GPR3: variants seen among roughly 807,000 people sequenced by gnomAD.
GPR3 encodes G protein-coupled receptor 3.
GPR3 carries 16 observed loss-of-function variants against 18.2 expected under a neutral mutation model. That is an observed-to-expected ratio of 0.88 (90% CI 0.60 to 1.34). GPR3 has a LOEUF of 1.34. Ranked by LOEUF, GPR3 falls within the 40% of genes most tolerant of loss-of-function variation. GPR3 has a pLI of 0.00. For synonymous variants in GPR3, 183 were observed against 188.9 expected, an observed-to-expected ratio of 0.97 and a Z score of 0.26; for missense variants, 326 against 427.6, an observed-to-expected ratio of 0.76 and a Z score of 2.10.
Position 27,394,851 on chromosome 1 carries a change from C to T in GPR3, c.*60C>T. ...CAGAATTCCAGAATGTTAGGCTCTC[C>T]AGGGCTTCTTTCCAAACCCCCAGCT... On this transcript the variant is annotated 3_prime_UTR_variant, in exon 2 of 2. Transcript: ENST00000374024. 1.3e-6 allele frequency: 2 copies of T among 1,556,180 alleles called. No individual in the cohort carries two copies. The highest frequency in any genetic ancestry group is 8.7e-7 in the Non-Finnish European group (1 of 1,144,364).
chr1:27,394,702 C>T lies in GPR3; in HGVS notation c.904C>T (p.Gln302Ter), dbSNP rs1295565456. ...INPIIYAFRN[Q>*]DVQKVLWAVC... ...CCCTATCATCTACGCCTTCCGCAAC[C>T]AGGATGTGCAGAAAGTGCTGTGGGC... Residue 302 changes from glutamine (Q) to a stop codon, truncating the protein, a stop_gained, in exon 2 of 2, where the codon CAG (glutamine) becomes TAG (stop). Transcript: ENST00000374024. LOFTEE classifies it high-confidence loss of function. 9 of 1,614,062 alleles carry T rather than the reference C, an allele frequency of 5.6e-6. No individual in the cohort carries two copies. Among genetic ancestry groups the T allele is most frequent in the Non-Finnish European group, 6.8e-6 (8 of 1,180,042 alleles).
rs1422427572 is a variant in GPR3, at chr1:27,393,919, A to G, written c.121A>G (p.Lys41Glu). The G allele has an allele frequency of 2.5e-6, 4 of 1,610,970 alleles. No individual in the cohort carries two copies. In the South Asian group the frequency reaches 4.4e-5, roughly 18 times the overall value. ...TGPAAPLPSP[K>E]AWDVVLCISG... is the part of the protein sequence containing the mutation. ...TCCAGCCGCACCACTGCCCTCGCCT[A>G]AGGCCTGGGATGTGGTGCTCTGCAT... The change falls in exon 2 of 2, where the codon AAG (lysine) becomes GAG (glutamate). Residue 41 changes from lysine (K) to glutamate (E), a missense_variant. Transcript: ENST00000374024.
chr1:27,393,444 C>T (rs1272270667), intron 1 of GPR3, among the ~76,000 whole-genome samples: 1 of 152,124 alleles, frequency 6.6e-6, no homozygotes, highest in African/African-American at 2.4e-5. Flanking sequence ...TTCCCTACCC[C>T]AATCTTGAGC....
At position 27,394,951 on chromosome 1, in the gene GPR3, G is replaced by C. The variant is rs1324576529; in HGVS notation, c.*160G>C. ...TTCAAGGTTCTGTTCAGATCCCTAT[G>C]GGGGCCCAGCTGGCTCCACGGTTCC... On this transcript the variant is annotated 3_prime_UTR_variant, in exon 2 of 2. Coordinates refer to ENST00000374024, the MANE Select transcript of GPR3 (RefSeq NM_005281.4). 1 of 723,332 alleles carries C rather than the reference G, an allele frequency of 1.4e-6. No individual in the cohort carries two copies. The highest frequency in any genetic ancestry group is 2.3e-6 in the Non-Finnish European group (1 of 433,888). The allele number at this position is 723,332 out of a possible 1,614,324, so 44.8% of individuals were successfully genotyped here.
In GPR3 at chr1:27,393,998, G is replaced by A; in HGVS notation, c.200G>A (p.Gly67Asp). 6.2e-7 allele frequency: 1 copy of A among 1,611,738 alleles called. No homozygotes were observed. The change falls in exon 2 of 2, where the codon GGC becomes GAC. Residue 67 changes from glycine (G) to aspartate (D), a missense_variant. Gly to Asp is a moderately conservative substitution (Grantham distance 94, BLOSUM62 -1). Coordinates refer to ENST00000374024, the MANE Select transcript of GPR3 (RefSeq NM_005281.4). The stretch of plus-strand genomic sequence containing the variant: ...GCGCTAGTGGTGGCCATCATCGTGG[G>A]CACTCCTGCCTTCCGTGCCCCCATG... ...ENALVVAIIV[G>D]TPAFRAPMFL...
In GPR3 at chr1:27,395,201, C is replaced by T. The variant is rs758902611; in HGVS notation, c.*410C>T. On this transcript the variant is annotated 3_prime_UTR_variant, in exon 2 of 2. Transcript: ENST00000374024. Reference sequence around the variant, plus strand: ...ATAGGAGAGAGAAAGATTATATATGCACATATACAAAGACAGTGTCTATTT... The same window carrying T: ...ATAGGAGAGAGAAAGATTATATATGTACATATACAAAGACAGTGTCTATTT... 4.9e-6 allele frequency: 1 copy of T among 205,190 alleles called. No individual in the cohort carries two copies. Among genetic ancestry groups the T allele is most frequent in the Non-Finnish European group, 1.1e-5 (1 of 91,472 alleles). The allele number at this position is 205,190 out of a possible 1,614,324, so 12.7% of individuals were successfully genotyped here.
rs762625254 is a variant in GPR3 at position 27,394,490 on chromosome 1, G to A, written c.692G>A (p.Arg231Gln). The A allele has an allele frequency of 3.9e-5, 63 of 1,613,956 alleles. No individual in the cohort carries two copies. The highest frequency in any genetic ancestry group is 1.1e-4 in the African/African-American group (8 of 74,920). ...CRHAQQIALQ[R>Q]HLLPASHYVA... ...CATGCCCAGCAGATTGCCCTTCAGC[G>A]GCACCTGCTGCCTGCCTCCCACTAT... The change falls in exon 2 of 2, where the codon CGG becomes CAG. Residue 231 changes from arginine to glutamine, a missense_variant. By Grantham distance (43) the Arg-to-Gln change is conservative. Coordinates refer to ENST00000374024, the MANE Select transcript of GPR3 (RefSeq NM_005281.4).
At position 27,394,970 on chromosome 1, in the gene GPR3, C is replaced by A; in HGVS notation, c.*179C>A. On this transcript the variant is annotated 3_prime_UTR_variant, in exon 2 of 2. Coordinates refer to ENST00000374024, the MANE Select transcript of GPR3 (RefSeq NM_005281.4). ...CCCTATGGGGGCCCAGCTGGCTCCACGGTTCCAGAATGTTCAGGTGGTCAG... is the reference window on the plus strand; with the variant it reads ...CCCTATGGGGGCCCAGCTGGCTCCAAGGTTCCAGAATGTTCAGGTGGTCAG... 1 of 646,616 alleles carries A rather than the reference C, an allele frequency of 1.5e-6. No homozygotes were observed. Among genetic ancestry groups the A allele is most frequent in the Non-Finnish European group, 2.7e-6 (1 of 369,324 alleles). The allele number at this position is 646,616 out of a possible 1,614,324, so 40.1% of individuals were successfully genotyped here.
Position 27,394,070 on chromosome 1 carries a change from T to C in GPR3, c.272T>C (p.Leu91Pro), listed in dbSNP as rs754908056. ...GCCGTGGCAGACCTGCTGGCAGGCC[T>C]GGGCCTGGTCCTGCACTTTGCTGCT... ...SLAVADLLAGLGLVLHFAAVF... is the reference protein window; with the variant it reads ...SLAVADLLAGPGLVLHFAAVF... The change falls in exon 2 of 2, where the codon CTG becomes CCG. Residue 91 changes from leucine (L) to proline (P), a missense_variant. Leu to Pro is a moderately conservative substitution (Grantham distance 98). Transcript: ENST00000374024. 29 of 1,610,744 alleles carry C rather than the reference T, an allele frequency of 1.8e-5. No homozygotes were observed. The highest frequency in any genetic ancestry group is 2.1e-5 in the Non-Finnish European group (25 of 1,180,024).
In GPR3 at chr1:27,392,650, C is replaced by CG. The variant is rs1395456537; in HGVS notation, c.-88dup. 1 of 151,990 alleles carries CG rather than the reference C, an allele frequency of 6.6e-6. No individual in the cohort carries two copies. The highest frequency in any genetic ancestry group is 2.4e-5 in the African/African-American group (1 of 41,402). The allele number at this position is 151,990 out of a possible 1,614,324, so 9.4% of individuals were successfully genotyped here. On this transcript the variant is annotated 5_prime_UTR_variant, in exon 1 of 2. Coordinates refer to ENST00000374024, the MANE Select transcript of GPR3 (RefSeq NM_005281.4). ...ACTCACGCCGCTTCTCCCGCGGCCG[C>CG]GGGGGCTTCTCGGGGTCCACGCACG... is the stretch of plus-strand genomic sequence containing the variant.
rs1332514428 is a variant in GPR3, at chr1:27,395,715, G to A, written c.*924G>A. On this transcript the variant is annotated 3_prime_UTR_variant, in exon 2 of 2. Coordinates refer to ENST00000374024, the MANE Select transcript of GPR3 (RefSeq NM_005281.4). ...CGGTGCCCTAAAGGAGGGGGGGCAC[G>A]AGCCAACACCCCACCCCTCTGCCAA... 4.2e-5 allele frequency: 7 copies of A among 167,126 alleles called. No homozygotes were observed. In the East Asian group the frequency reaches 5.8e-4, roughly 14 times the overall value. The allele number at this position is 167,126 out of a possible 1,614,324, so 10.4% of individuals were successfully genotyped here.
At chr1:27,393,298 G>T (rs895198264) in intron 1 of GPR3, among the ~76,000 whole-genome samples, 1 of 152,112 alleles carries the variant, frequency 6.6e-6, no homozygotes, top group African/African-American at 2.4e-5. Flanking sequence ...AGCTTCACGC[G>T]CATTCCCTGG....
chr1:27,394,712 A>G lies in GPR3; in HGVS notation c.914A>G (p.Gln305Arg). The change falls in exon 2 of 2, where the codon CAG becomes CGG. Residue 305 changes from glutamine (Q) to arginine (R), a missense_variant. Coordinates refer to ENST00000374024, the MANE Select transcript of GPR3 (RefSeq NM_005281.4). ...IIYAFRNQDVQKVLWAVCCCC... is the reference protein window; with the variant it reads ...IIYAFRNQDVRKVLWAVCCCC... ...TACGCCTTCCGCAACCAGGATGTGC[A>G]GAAAGTGCTGTGGGCTGTCTGCTGC... 6.2e-7 allele frequency: 1 copy of G among 1,614,220 alleles called. No homozygotes were observed. The highest frequency in any genetic ancestry group is 8.5e-7 in the Non-Finnish European group (1 of 1,180,042).
chr1:27,394,859 C>T lies in GPR3; in HGVS notation c.*68C>T. The T allele has an allele frequency of 2.0e-6, 3 of 1,527,862 alleles. No homozygotes were observed. The highest frequency in any genetic ancestry group is 2.7e-6 in the Non-Finnish European group (3 of 1,121,466). The allele number at this position is 1,527,862 out of a possible 1,614,324, so 94.6% of individuals were successfully genotyped here. On this transcript the variant is annotated 3_prime_UTR_variant, in exon 2 of 2. Transcript: ENST00000374024. ...CAGAATGTTAGGCTCTCCAGGGCTTCTTTCCAAACCCCCAGCTCCACACCC... is the reference window on the plus strand; with the variant it reads ...CAGAATGTTAGGCTCTCCAGGGCTTTTTTCCAAACCCCCAGCTCCACACCC...
rs2016528479 is a variant in GPR3 at position 27,394,821 on chromosome 1, T to C, written c.*30T>C. On this transcript the variant is annotated 3_prime_UTR_variant, in exon 2 of 2. Transcript: ENST00000374024. ...GTCTTCATGACCCTTCAACCCTGAT[T>C]ACTACAGAATTCCAGAATGTTAGGC... 1.3e-6 allele frequency: 2 copies of C among 1,596,404 alleles called. No homozygotes were observed. The highest frequency in any genetic ancestry group is 1.7e-6 in the Non-Finnish European group (2 of 1,169,436).
rs750803244 is a variant in GPR3, at chr1:27,394,718, T to A, written c.920T>A (p.Val307Glu). 6.2e-7 allele frequency: 1 copy of A among 1,614,214 alleles called. No individual in the cohort carries two copies. The highest frequency in any genetic ancestry group is 2.2e-5 in the East Asian group (1 of 44,888). ...YAFRNQDVQK[V>E]LWAVCCCCSS... ...TTCCGCAACCAGGATGTGCAGAAAG[T>A]GCTGTGGGCTGTCTGCTGCTGCTGT... Residue 307 changes from valine (V) to glutamate (E), a missense_variant, in exon 2 of 2, where the codon GTG becomes GAG. By Grantham distance (121) the Val-to-Glu change is moderately radical. Transcript: ENST00000374024.
Position 27,394,695 on chromosome 1 carries a change from C to T in GPR3, c.897C>T (p.Phe299=), listed in dbSNP as rs1394461886. 6.2e-7 allele frequency: 1 copy of T among 1,614,204 alleles called. No individual in the cohort carries two copies. Among genetic ancestry groups the T allele is most frequent in the Non-Finnish European group, 8.5e-7 (1 of 1,180,032 alleles). ...TGATCAACCCTATCATCTACGCCTTCCGCAACCAGGATGTGCAGAAAGTGC... is the reference window on the plus strand; with the variant it reads ...TGATCAACCCTATCATCTACGCCTTTCGCAACCAGGATGTGCAGAAAGTGC... The part of the protein sequence containing the change: ...NSMINPIIYA[F]RNQDVQKVLW... Residue 299 remains phenylalanine, a synonymous_variant, in exon 2 of 2, where the codon TTC becomes TTT. Coordinates refer to ENST00000374024, the MANE Select transcript of GPR3 (RefSeq NM_005281.4).
chr1:27,393,655 G>A (rs1236897807), intron 1 of GPR3, 139 bp from the exon 2 acceptor site: 7 of 728,718 alleles, frequency 9.6e-6, no homozygotes, highest in Non-Finnish European at 1.6e-5. Flanking sequence ...GCATGAATGT[G>A]GGGATAAGGC....
At position 27,394,596 on chromosome 1, in the gene GPR3, C is replaced by T. The variant is rs1345018507; in HGVS notation, c.798C>T (p.Tyr266=). 2 of 1,614,080 alleles carry T rather than the reference C, an allele frequency of 1.2e-6. No individual in the cohort carries two copies. Among genetic ancestry groups the T allele is most frequent in the African/African-American group, 2.7e-5 (2 of 74,930 alleles). Residue 266 remains tyrosine (Y), a synonymous_variant, in exon 2 of 2, where the codon TAC becomes TAT. Coordinates refer to ENST00000374024, the MANE Select transcript of GPR3 (RefSeq NM_005281.4). ...FAACWLPFTV[Y]CLLGDAHSPP... Reference sequence around the variant, plus strand: ...CCTGCTGGTTGCCCTTCACTGTCTACTGCCTGCTGGGTGATGCCCACTCTC... The same window carrying T: ...CCTGCTGGTTGCCCTTCACTGTCTATTGCCTGCTGGGTGATGCCCACTCTC...
Sources: allele counts gnomAD v4.1 joint callset (sites outside exome capture counted in the v4.1 genomes callset), GRCh38; gene constraint gnomAD v4.1.1; transcripts MANE v1.5; gene names NCBI Gene and HGNC (gene_info 2026-07-23, HGNC 2026-07-21).